Variants in NELL2 observed in about 807,000 individuals in gnomAD.
NELL2 encodes the protein protein kinase C-binding protein NELL2.
NELL2 carries 41 observed loss-of-function variants against 109.6 expected under a neutral mutation model. The ratio of observed to expected loss-of-function variants is 0.37; its 90% CI spans 0.29 to 0.49. The LOEUF (loss-of-function observed/expected upper bound fraction) is 0.49. Ranked by LOEUF, NELL2 falls within the 20% of genes least tolerant of loss-of-function variation. The probability of loss-of-function intolerance (pLI) is 0.98; values close to 1 mark genes in which losing one functional copy is unlikely to be tolerated. For synonymous variants in NELL2, 355 were observed against 344.7 expected, an observed-to-expected ratio of 1.03 and a Z score of -0.33; for missense variants, 900 against 1,008.3, an observed-to-expected ratio of 0.89 and a Z score of 1.45.
At chr12:44,820,644 A>G (rs1373923257) in intron 2 of NELL2, among the ~76,000 whole-genome samples, 2 of 152,036 alleles carry the variant, frequency 1.3e-5, no homozygotes, top group African/African-American at 4.8e-5. Flanking sequence ...TAGAACCTAA[A>G]GAACTTGGTC....
At chr12:44,697,354 A>G (rs892856244) in intron 12 of NELL2, among the ~76,000 whole-genome samples, 1 of 151,974 alleles carries the variant, frequency 6.6e-6, no homozygotes, top group African/African-American at 2.4e-5. Context: ...ACTCACACAC[A>G]CCCACAGTCA....
intron 3 of NELL2, among the ~76,000 whole-genome samples, chr12:44,802,675 T>C (rs1231208220): frequency 6.6e-6 from 1 of 152,060 alleles, no homozygotes; most frequent in Non-Finnish European, 1.5e-5. Flanking sequence ...CTGATATGCA[T>C]TGGAAATAAT....
chr12:44,850,043 G>T (rs1944487872), intron 2 of NELL2, among the ~76,000 whole-genome samples: 1 of 152,112 alleles, frequency 6.6e-6, no homozygotes, highest in South Asian at 2.1e-4. Context: ...GCTAAATCTT[G>T]TTTTGGGTGG....
intron 12 of NELL2, among the ~76,000 whole-genome samples, chr12:44,682,054 T>G (rs1036131156): frequency 6.6e-6 from 1 of 151,034 alleles, no homozygotes; most frequent in Non-Finnish European, 1.5e-5. Flanking sequence ...AGTGTTCCTA[T>G]TTCTCCACAT....
intron 19 of NELL2, among the ~76,000 whole-genome samples, chr12:44,519,157 A>T (rs535986438): frequency 5.5e-4 from 84 of 152,362 alleles, no homozygotes; most frequent in African/African-American, 1.9e-3. Flanking sequence ...GCAGTTACAG[A>T]TATCTGGCTA....
intron 12 of NELL2, among the ~76,000 whole-genome samples, chr12:44,692,700 C>T (rs1948938040): frequency 6.6e-6 from 1 of 152,014 alleles, no homozygotes; most frequent in Non-Finnish European, 1.5e-5. Flanking sequence ...TTGATTCCAG[C>T]CCTCATAGAT....
chr12:44,541,250 C>CAAAAAA (rs3071951), intron 15 of NELL2, among the ~76,000 whole-genome samples: 1 of 78,894 alleles, frequency 1.3e-5, no homozygotes, highest in African/African-American at 5.3e-5. Context: ...GACTCCATCT[C>CAAAAAA]AAAAAAAAAA....
upstream of NELL2, among the ~76,000 whole-genome samples, chr12:44,916,622 A>G (rs538100913): frequency 2.0e-4 from 30 of 152,156 alleles, no homozygotes; most frequent in Non-Finnish European, 3.8e-4. Context: ...ATCATTATTA[A>G]CCACAAATCT....
intron 9 of NELL2, among the ~76,000 whole-genome samples, chr12:44,717,011 T>A (rs1938525220): frequency 6.6e-6 from 1 of 151,878 alleles, no homozygotes; most frequent in Admixed American, 6.6e-5. Context: ...ATGAATGAGG[T>A]CACAATTGCT....
rs555056145 is a variant in NELL2 at position 44,539,295 on chromosome 12, C to T, written c.1664-6574G>A. 3.3e-5 allele frequency among the ~76,000 whole-genome samples: 5 copies of T among 152,144 alleles called. No individual in the cohort carries two copies. The South Asian group carries it at 6.2e-4, about 19-fold the overall frequency. The stretch of plus-strand genomic sequence containing the variant: ...GCTTTTTGTCCTTCCAAATAAATTT[C>T]AGATTTATTAGTTGGTGGACTTCTC... On this transcript the variant is annotated intron_variant, in intron 15 of 19. Coordinates refer to ENST00000429094, the MANE Select transcript of NELL2 (RefSeq NM_001145108.2).
At chr12:44,739,108 A>C (rs1939804642) in intron 9 of NELL2, among the ~76,000 whole-genome samples, 2 of 152,150 alleles carry the variant, frequency 1.3e-5, no homozygotes, top group Non-Finnish European at 2.9e-5. Flanking sequence ...ACTTTTTTAG[A>C]CAAAGTCTTC....
rs146305821 is a variant in NELL2 at position 44,612,002 on chromosome 12, C to A, written c.1445-1032G>T. Among the ~76,000 whole-genome samples the A allele has an allele frequency of 1.9e-3, 296 of 152,098 alleles. 2 individuals are homozygous for A. The highest frequency in any genetic ancestry group is 6.7e-3 in the African/African-American group (276 of 41,496). On this transcript the variant is annotated intron_variant, in intron 13 of 19. Transcript: ENST00000429094. ...TTATTCAGGCCTAAAACAAAATATA[C>A]ATTTTAATAAATTACATTGATTGAG...
At chr12:44,746,530 A>C (rs1592451361) in intron 9 of NELL2, among the ~76,000 whole-genome samples, 1 of 152,222 alleles carries the variant, frequency 6.6e-6, no homozygotes, top group Non-Finnish European at 1.5e-5. Context: ...AATGGGAGAA[A>C]ATTTTTGCAA....
chr12:44,704,853 T>C (rs1011442665), intron 11 of NELL2, among the ~76,000 whole-genome samples: 7 of 151,854 alleles, frequency 4.6e-5, no homozygotes, highest in African/African-American at 1.7e-4. Flanking sequence ...ACCCCGTCTG[T>C]ACTAAAAATA....
upstream of NELL2, chr12:44,876,359 G>T: frequency 1.6e-6 from 2 of 1,213,562 alleles, no homozygotes; most frequent in South Asian, 3.0e-5. Flanking sequence ...CTCCTCCGGG[G>T]AGGGAGGGGC....
intron 9 of NELL2, among the ~76,000 whole-genome samples, chr12:44,765,726 T>A (rs1941302083): frequency 6.6e-6 from 1 of 152,210 alleles, no homozygotes. Context: ...GGCAATTTCA[T>A]GTGGTATTTT....
chr12:44,794,372 CTT>C (rs1433613701), intron 3 of NELL2, among the ~76,000 whole-genome samples: 2 of 152,148 alleles, frequency 1.3e-5, no homozygotes, highest in Non-Finnish European at 2.9e-5. Flanking sequence ...TTCCCTCTGT[CTT>C]CTCTTGGTAC....
At chr12:44,881,933 T>C (rs1945416066) in intron 1 of NELL2, 1 of 151,960 alleles carries the variant, frequency 6.6e-6, no homozygotes, top group African/African-American at 2.4e-5. Context: ...AAACAACAGT[T>C]TGAATGAATG....
intron 3 of NELL2, 41 bp downstream of exon 3, chr12:44,815,945 C>T: frequency 1.4e-5 from 22 of 1,580,462 alleles, no homozygotes; most frequent in Non-Finnish European, 1.9e-5. Flanking sequence ...CATTTAACCA[C>T]ATATAATGAA....
Sources: gnomAD v4.1 joint callset for allele counts (sites outside exome capture counted in the v4.1 genomes callset) on GRCh38, gnomAD v4.1.1 for gene constraint, MANE v1.5 for transcripts, NCBI Gene and HGNC (gene_info 2026-07-23, HGNC 2026-07-21) for gene names.